Variants in ZRANB3 observed in about 807,000 individuals in gnomAD.
The protein encoded by ZRANB3 is zinc finger RANBP2-type containing 3.
ZRANB3 carries 125 observed loss-of-function variants against 133.8 expected under a neutral mutation model. The observed-to-expected ratio is 0.93, with a 90% confidence interval of 0.81 to 1.08. ZRANB3 has a LOEUF of 1.08. ZRANB3 is among the 50% of genes least tolerant of loss of function. The probability of loss-of-function intolerance (pLI) is 0.00; values close to 1 mark genes in which losing one functional copy is unlikely to be tolerated. For missense variants in ZRANB3, 1,229 were observed against 1,275.5 expected, an observed-to-expected ratio of 0.96 and a Z score of 0.56; for synonymous variants, 387 against 432.7, an observed-to-expected ratio of 0.89 and a Z score of 1.31.
intron 13 of ZRANB3, among the ~76,000 whole-genome samples, chr2:135,229,148 T>G (rs1694879975): frequency 6.6e-6 from 1 of 152,144 alleles, no homozygotes; most frequent in Non-Finnish European, 1.5e-5. Flanking sequence ...GTGATTCCAA[T>G]TTAGTTCACA....
At position 135,496,257 on chromosome 2, in the gene ZRANB3, G is replaced by A. The variant is rs1446305955; in HGVS notation, c.161+8072C>T. ...ACATTAGCCAGGCGTGGTGGCGTGC[G>A]ACTGTAATCCCAGCTACTCGGAAGG... On this transcript the variant is annotated intron_variant, in intron 2 of 20. Coordinates refer to ENST00000264159, the MANE Select transcript of ZRANB3 (RefSeq NM_032143.4). Among the ~76,000 whole-genome samples, 15 of 151,764 alleles carry A rather than the reference G, an allele frequency of 9.9e-5. No homozygotes were observed. In the South Asian group the frequency reaches 2.5e-3, roughly 25 times the overall value.
intron 2 of ZRANB3, among the ~76,000 whole-genome samples, chr2:135,495,218 A>G (rs1365902761): frequency 1.3e-5 from 2 of 152,198 alleles, no homozygotes; most frequent in Non-Finnish European, 2.9e-5. Flanking sequence ...ACAGAGTGAG[A>G]TCATGTTTCT....
chr2:135,521,533 A>C (rs1264779453), intron 1 of ZRANB3, among the ~76,000 whole-genome samples: 2 of 152,202 alleles, frequency 1.3e-5, no homozygotes, highest in Non-Finnish European at 1.5e-5. Context: ...ACTTCGTCTC[A>C]AAAATAAATA....
intron 8 of ZRANB3, among the ~76,000 whole-genome samples, chr2:135,313,099 C>T (rs1455782239): frequency 3.3e-5 from 5 of 150,550 alleles, no homozygotes; most frequent in Admixed American, 1.3e-4. Context: ...AGTATCCTCC[C>T]GCATCAAAAT....
At chr2:135,454,241 A>G (rs1690396740) in intron 2 of ZRANB3, among the ~76,000 whole-genome samples, 1 of 152,196 alleles carries the variant, frequency 6.6e-6, no homozygotes, top group Non-Finnish European at 1.5e-5. Flanking sequence ...TTTAGACAGT[A>G]CAGCCTCCCA....
intron 3 of ZRANB3, among the ~76,000 whole-genome samples, chr2:135,386,074 A>T (rs1178633127): frequency 6.6e-6 from 1 of 152,200 alleles, no homozygotes; most frequent in East Asian, 1.9e-4. Flanking sequence ...AATGGGAGAA[A>T]ATTCTTGCAA....
intron 2 of ZRANB3, among the ~76,000 whole-genome samples, chr2:135,396,354 C>T (rs1306204331): frequency 6.6e-6 from 1 of 152,110 alleles, no homozygotes; most frequent in Non-Finnish European, 1.5e-5. Context: ...AAAGAGATAT[C>T]TACACTCCCA....
chr2:135,277,944 A>C (rs1680921552), intron 8 of ZRANB3, among the ~76,000 whole-genome samples: 1 of 151,734 alleles, frequency 6.6e-6, no homozygotes, highest in African/African-American at 2.4e-5. Flanking sequence ...AAAAAAAAAA[A>C]ACAAATATAA....
intron 6 of ZRANB3, among the ~76,000 whole-genome samples, chr2:135,342,116 G>A (rs921374171): frequency 3.3e-5 from 5 of 149,880 alleles, no homozygotes; most frequent in Non-Finnish European, 7.3e-5. Flanking sequence ...GGCTCAGGGG[G>A]CATCACAGAA....
At chr2:135,350,296 T>C (rs992335185) in intron 4 of ZRANB3, 81 bp from the exon 5 acceptor site, 4 of 999,940 alleles carry the variant, frequency 4.0e-6, no homozygotes, top group Non-Finnish European at 5.8e-6. Context: ...TGGGAAAAAA[T>C]ACAGAGGAGA....
chr2:135,521,595 CAA>C (rs1270022566), intron 1 of ZRANB3, among the ~76,000 whole-genome samples: 1 of 152,218 alleles, frequency 6.6e-6, no homozygotes, highest in African/African-American at 2.4e-5. Context: ...ATTGGGTAAA[CAA>C]TGATGAATTT....
intron 3 of ZRANB3, among the ~76,000 whole-genome samples, chr2:135,367,135 T>C (rs370570165): frequency 5.9e-5 from 9 of 152,228 alleles, no homozygotes; most frequent in East Asian, 3.8e-4. Flanking sequence ...TATGTGCTAA[T>C]TACCTTGATA....
At chr2:135,235,504 A>G (rs1695245000) in intron 12 of ZRANB3, among the ~76,000 whole-genome samples, 1 of 152,202 alleles carries the variant, frequency 6.6e-6, no homozygotes, top group Admixed American at 6.5e-5. Flanking sequence ...TTTTAGACCA[A>G]TATCCCTGAT....
At chr2:135,358,600 A>G (rs967872441) in intron 3 of ZRANB3, among the ~76,000 whole-genome samples, 1 of 152,210 alleles carries the variant, frequency 6.6e-6, no homozygotes, top group Admixed American at 6.5e-5. Flanking sequence ...AGAAGTATGA[A>G]ATGTAAAACA....
At chr2:135,300,025 T>A (rs910598400) in intron 8 of ZRANB3, among the ~76,000 whole-genome samples, 1 of 152,146 alleles carries the variant, frequency 6.6e-6, no homozygotes, top group East Asian at 1.9e-4. Flanking sequence ...TAACTCTGTC[T>A]AGAGCAAAGG....
At chr2:135,384,302 T>C (rs1686861246) in intron 3 of ZRANB3, among the ~76,000 whole-genome samples, 2 of 152,130 alleles carry the variant, frequency 1.3e-5, no homozygotes, top group African/African-American at 4.8e-5. Context: ...AGGAAGAAGT[T>C]GAATCTCTGA....
intron 6 of ZRANB3, among the ~76,000 whole-genome samples, chr2:135,335,031 A>AC (rs1332342427): frequency 6.6e-6 from 1 of 152,144 alleles, no homozygotes; most frequent in Non-Finnish European, 1.5e-5. Flanking sequence ...TCAACCCATC[A>AC]CCTAGGTATT....
At chr2:135,518,920 C>G (rs1235531194) in intron 1 of ZRANB3, among the ~76,000 whole-genome samples, 1 of 152,138 alleles carries the variant, frequency 6.6e-6, no homozygotes, top group Non-Finnish European at 1.5e-5. Flanking sequence ...ATCAAAAATT[C>G]CAAAATAATA....
In ZRANB3 at chr2:135,237,464, A is replaced by T. The variant is rs1313993612; in HGVS notation, c.1540-6537T>A. Among the ~76,000 whole-genome samples, 786 of 150,630 alleles carry T rather than the reference A, an allele frequency of 5.2e-3. 6 individuals carry two copies. The highest frequency in any genetic ancestry group is 0.018 in the African/African-American group (733 of 40,022). On this transcript the variant is annotated intron_variant, in intron 12 of 20. Transcript: ENST00000264159. ...GGGTATATACCCAAAGGATTATCAA[A>T]CATGCTGCTATAAAGACACATGCAC...
Sources: gnomAD v4.1 joint callset for allele counts (sites outside exome capture counted in the v4.1 genomes callset) on GRCh38, gnomAD v4.1.1 for gene constraint, MANE v1.5 for transcripts, NCBI Gene and HGNC (gene_info 2026-07-23, HGNC 2026-07-21) for gene names.